Variants in NTN1 observed in about 807,000 individuals in gnomAD.
NTN1 encodes netrin 1, also known as netrin-1.
In NTN1, 11 loss-of-function variants were observed where a neutral mutation model predicts 54.2. That is an observed-to-expected ratio of 0.20 (90% CI 0.13 to 0.34). NTN1 has a LOEUF of 0.34. Ranked by LOEUF, NTN1 falls within the 10% of genes least tolerant of loss-of-function variation. The pLI is 1.00. For missense variants in NTN1, 740 were observed against 893.1 expected (o/e 0.83, Z 2.18); for synonymous variants, 371 against 382.0 (o/e 0.97, Z 0.33).
chr17:9,145,172 T>C (rs1040796657), intron 2 of NTN1, among the ~76,000 whole-genome samples: 2 of 152,200 alleles, frequency 1.3e-5, no homozygotes, highest in African/African-American at 4.8e-5. Flanking sequence ...ACTGTGGAAT[T>C]ACAGAGGACT....
chr17:9,110,542 G>A (rs1157156037), intron 2 of NTN1, among the ~76,000 whole-genome samples: 1 of 152,004 alleles, frequency 6.6e-6, no homozygotes, highest in Non-Finnish European at 1.5e-5. Flanking sequence ...CAAAGTGCTG[G>A]GATTACAGGC....
intron 4 of NTN1, among the ~76,000 whole-genome samples, chr17:9,182,486 G>T (rs138691391): frequency 6.6e-6 from 1 of 152,212 alleles, no homozygotes; most frequent in Admixed American, 6.5e-5. Flanking sequence ...CCAGCCCCTT[G>T]CGTGCTATCC....
chr17:9,211,105 T>A lies in NTN1; in HGVS notation c.1412-10063T>A, dbSNP rs1299659379. 6.6e-6 allele frequency among the ~76,000 whole-genome samples: 1 copy of A among 152,010 alleles called. No homozygotes were observed. On this transcript the variant is annotated intron_variant, in intron 5 of 6. Coordinates refer to ENST00000173229, the MANE Select transcript of NTN1 (RefSeq NM_004822.3). This position sits in a 1 kb window ranked among gnomAD's most constrained non-coding sequence, Gnocchi z 4.4. ...CACATGCTATTCTTCTAGAATAAAA[T>A]CCAAACCCCTGCCATTGTTGAAAAG... is the stretch of plus-strand genomic sequence containing the variant.
intron 2 of NTN1, among the ~76,000 whole-genome samples, chr17:9,092,810 G>C (rs1050010595): frequency 2.6e-5 from 4 of 151,856 alleles, no homozygotes; most frequent in Non-Finnish European, 4.4e-5. Flanking sequence ...CCAGGCTGGA[G>C]TGCAATGGTG....
chr17:9,221,892 G>A lies in NTN1; in HGVS notation c.1486+650G>A, dbSNP rs927562712. Among the ~76,000 whole-genome samples, 1 of 152,168 alleles carries A rather than the reference G, an allele frequency of 6.6e-6. No individual in the cohort carries two copies. The highest frequency in any genetic ancestry group is 1.9e-4 in the East Asian group (1 of 5,174). On this transcript the variant is annotated intron_variant, in intron 6 of 6. Coordinates refer to ENST00000173229, the MANE Select transcript of NTN1 (RefSeq NM_004822.3). The surrounding 1 kb of genome is among the most constrained non-coding windows in gnomAD (Gnocchi z 4.5). ...GTCGTGGAGAGTGGAGATGGTCTGG[G>A]AGCCTGCAGGAGGAGGGCCCCGCAG...
intron 2 of NTN1, among the ~76,000 whole-genome samples, chr17:9,070,106 G>A (rs1250133234): frequency 5.3e-5 from 8 of 152,222 alleles, no homozygotes; most frequent in Non-Finnish European, 1.2e-4. Context: ...ACCACACTGA[G>A]TGGGTTCAAA....
chr17:9,188,116 A>G (rs142809457), intron 5 of NTN1, among the ~76,000 whole-genome samples: 122 of 152,292 alleles, frequency 8.0e-4, no homozygotes, highest in African/African-American at 2.7e-3. Context: ...ACTTAATGCC[A>G]TTGAATTGTA....
intron 4 of NTN1, among the ~76,000 whole-genome samples, chr17:9,181,155 C>T (rs1455237480): frequency 1.3e-5 from 2 of 152,214 alleles, no homozygotes; most frequent in African/African-American, 2.4e-5. Context: ...TGTGCCTTCT[C>T]TCCTCCTCTA....
In NTN1 at chr17:9,240,714, CCTG is replaced by C. The variant is rs1490744615; in HGVS notation, c.*754_*756del. On this transcript the variant is annotated 3_prime_UTR_variant, in exon 7 of 7. Coordinates refer to ENST00000173229, the MANE Select transcript of NTN1 (RefSeq NM_004822.3). ...ACCTGTGGAGAGAGGAGAGGAAGCCCCTGCTGCTGCCTGTCTCTGCCCCTGCCC... is the reference window on the plus strand; with the variant it reads ...ACCTGTGGAGAGAGGAGAGGAAGCCCCTGCTGCCTGTCTCTGCCCCTGCCC... 6.7e-6 allele frequency: 1 copy of C among 149,700 alleles called. No individual in the cohort carries two copies. The highest frequency in any genetic ancestry group is 2.6e-5 in the African/African-American group (1 of 38,542). The allele number at this position is 149,700 out of a possible 1,614,324, so 9.3% of individuals were successfully genotyped here.
chr17:9,114,063 G>A (rs1486819284), intron 2 of NTN1, among the ~76,000 whole-genome samples: 2 of 148,976 alleles, frequency 1.3e-5, no homozygotes, highest in East Asian at 3.9e-4. Flanking sequence ...TCGGGAGGCT[G>A]AGGCAGGAGA....
At chr17:9,215,340 A>G (rs1905196957) in intron 5 of NTN1, among the ~76,000 whole-genome samples, 1 of 151,778 alleles carries the variant, frequency 6.6e-6, no homozygotes, top group African/African-American at 2.4e-5. Flanking sequence ...TTCCCTTTCA[A>G]ACAGTTAAAA....
At chr17:9,062,933 A>G (rs1350719136) in intron 2 of NTN1, among the ~76,000 whole-genome samples, 1 of 152,202 alleles carries the variant, frequency 6.6e-6, no homozygotes, top group Admixed American at 6.5e-5. Flanking sequence ...AATGTGTTGT[A>G]TGCCTATCTA....
At chr17:9,142,171 C>T (rs1430854964) in intron 2 of NTN1, among the ~76,000 whole-genome samples, 1 of 151,896 alleles carries the variant, frequency 6.6e-6, no homozygotes, top group Non-Finnish European at 1.5e-5. Context: ...CCCCTGTAAT[C>T]CCAGCTACTC....
At chr17:9,179,992 CT>C in intron 4 of NTN1, 36 bp downstream of exon 4, 1 of 1,593,912 alleles carries the variant, frequency 6.3e-7, no homozygotes, top group Non-Finnish European at 8.5e-7. Flanking sequence ...AAGTCTCTGG[CT>C]TTGTGGGGGA....
Position 9,043,361 on chromosome 17 carries a change from A to G in NTN1, c.1018+19970A>G, listed in dbSNP as rs149077642. 5.9e-4 allele frequency among the ~76,000 whole-genome samples: 90 copies of G among 152,324 alleles called. 1 individual carries two copies. In the East Asian group the frequency reaches 0.012, roughly 21 times the overall value. The stretch of plus-strand genomic sequence containing the variant: ...ATGCACTTTCTAATTTAAAAAATCT[A>G]TAACACTGTGAATTGAGCAAAATTA... On this transcript the variant is annotated intron_variant, in intron 2 of 6. Coordinates refer to ENST00000173229, the MANE Select transcript of NTN1 (RefSeq NM_004822.3).
chr17:9,224,349 G>A (rs991039317), intron 6 of NTN1, among the ~76,000 whole-genome samples: 1 of 152,176 alleles, frequency 6.6e-6, no homozygotes, highest in African/African-American at 2.4e-5. Flanking sequence ...TGTTGTGGCC[G>A]CCCTGGGCAA....
At chr17:9,193,674 G>A (rs576830732) in intron 5 of NTN1, among the ~76,000 whole-genome samples, 35 of 152,250 alleles carry the variant, frequency 2.3e-4, no homozygotes, top group Admixed American at 2.3e-3. Flanking sequence ...TGTAATCCCA[G>A]CACTTTGGGA....
intron 2 of NTN1, among the ~76,000 whole-genome samples, chr17:9,046,744 C>T (rs912516941): frequency 2.6e-5 from 4 of 152,124 alleles, no homozygotes; most frequent in African/African-American, 9.7e-5. Context: ...TGAGATTGTG[C>T]TACTGCACTC....
chr17:9,058,796 C>A (rs754276335), intron 2 of NTN1, among the ~76,000 whole-genome samples: 1 of 151,876 alleles, frequency 6.6e-6, no homozygotes, highest in African/African-American at 2.4e-5. Context: ...CCCCAGGTAA[C>A]GGGAAGCTTG....
Sources: gnomAD v4.1 joint callset for allele counts (sites outside exome capture counted in the v4.1 genomes callset) on GRCh38, gnomAD v4.1.1 for gene constraint, Gnocchi (gnomAD v3.1) non-coding constraint, MANE v1.5 for transcripts, NCBI Gene and HGNC (gene_info 2026-07-23, HGNC 2026-07-21) for gene names.